The following SCN8A variants were observed in gnomAD, a reference collection of about 807,000 sequenced individuals.
The protein encoded by SCN8A is sodium channel protein type 8 subunit alpha.
A neutral mutation model predicts 184.1 loss-of-function variants in SCN8A; 30 were observed. The ratio of observed to expected loss-of-function variants is 0.16; its 90% CI spans 0.12 to 0.22. SCN8A has a LOEUF of 0.22. SCN8A is among the 10% of genes least tolerant of loss of function. SCN8A has a pLI of 1.00. For synonymous variants in SCN8A, 852 were observed against 907.0 expected, an observed-to-expected ratio of 0.94 and a Z score of 1.09; for missense variants, 1,057 against 2,498.9, an observed-to-expected ratio of 0.42 and a Z score of 12.30.
At chr12:51,780,407 G>GT in intron 20 of SCN8A, 2 of 388,418 alleles carry the variant, frequency 5.1e-6, no homozygotes, top group Middle Eastern at 7.9e-4. Context: ...CTTCCCTGTT[G>GT]TTTTTTCTTC....
intron 6 of SCN8A, among the ~76,000 whole-genome samples, chr12:51,692,768 C>T (rs1177956053): frequency 3.9e-5 from 6 of 152,204 alleles, no homozygotes; most frequent in African/African-American, 1.2e-4. Context: ...GATCATGTGC[C>T]ACAGGGCTGA....
At chr12:51,760,978 C>T (rs546949391) in intron 14 of SCN8A, among the ~76,000 whole-genome samples, 1 of 152,238 alleles carries the variant, frequency 6.6e-6, no homozygotes, top group African/African-American at 2.4e-5. Context: ...ATTTTGTTCT[C>T]AGACTATATC....
At chr12:51,609,573 G>A (rs977548177) in intron 1 of SCN8A, among the ~76,000 whole-genome samples, 1 of 152,112 alleles carries the variant, frequency 6.6e-6, no homozygotes, top group Non-Finnish European at 1.5e-5. Flanking sequence ...TTGCTTTAAA[G>A]TTTGTTTTGT....
chr12:51,734,274 A>G (rs1942288570), intron 12 of SCN8A, among the ~76,000 whole-genome samples: 1 of 152,214 alleles, frequency 6.6e-6, no homozygotes, highest in Admixed American at 6.5e-5. Context: ...ACAGAAATAT[A>G]GAGGTGTGAA....
intron 1 of SCN8A, among the ~76,000 whole-genome samples, chr12:51,625,943 C>T (rs958124621): frequency 1.3e-5 from 2 of 152,078 alleles, no homozygotes; most frequent in Non-Finnish European, 2.9e-5. Context: ...AAAGGTGACT[C>T]AGTGACTACA....
chr12:51,674,964 C>T (rs908288090), intron 2 of SCN8A, among the ~76,000 whole-genome samples: 8 of 152,154 alleles, frequency 5.3e-5, no homozygotes, highest in African/African-American at 1.2e-4. Context: ...AGCCTGTAAA[C>T]CACTCTGCTT....
At chr12:51,805,273 G>C (rs1434701803) in intron 26 of SCN8A, among the ~76,000 whole-genome samples, 1 of 152,078 alleles carries the variant, frequency 6.6e-6, no homozygotes, top group East Asian at 1.9e-4. Flanking sequence ...GACCTAAATA[G>C]ATGGACCTCA....
At chr12:51,631,288 A>G (rs149486442) in intron 1 of SCN8A, among the ~76,000 whole-genome samples, 2 of 152,296 alleles carry the variant, frequency 1.3e-5, no homozygotes, top group African/African-American at 4.8e-5. Flanking sequence ...ACCAATGGCT[A>G]TTGACAGGGT....
At chr12:51,597,226 C>A (rs993609428) in intron 1 of SCN8A, among the ~76,000 whole-genome samples, 1 of 152,056 alleles carries the variant, frequency 6.6e-6, no homozygotes, top group African/African-American at 2.4e-5. Context: ...CTAAAATAGG[C>A]GATGGAGAGA....
intron 11 of SCN8A, among the ~76,000 whole-genome samples, chr12:51,714,157 T>A (rs937172123): frequency 1.3e-5 from 2 of 152,196 alleles, no homozygotes; most frequent in Non-Finnish European, 2.9e-5. Flanking sequence ...GAGGAATATT[T>A]TAATAACCTT....
chr12:51,721,851 C>T lies in SCN8A; in HGVS notation c.1941C>T (p.Gly647=). The change falls in exon 12 of 27, where the codon GGC becomes GGT. Residue 647 remains glycine (G), a synonymous_variant. Coordinates refer to ENST00000627620, the MANE Select transcript of SCN8A (RefSeq NM_001330260.2). ...VKRNSTVDCN[G]VVSLIGGPGS... ...GCAACAGCACGGTGGACTGCAACGG[C>T]GTGGTGTCCCTCATCGGCGGCCCCG... 2 of 1,603,900 alleles carry T rather than the reference C, an allele frequency of 1.2e-6. No homozygotes were observed. Among genetic ancestry groups the T allele is most frequent in the Non-Finnish European group, 1.7e-6 (2 of 1,179,796 alleles).
intron 6 of SCN8A, chr12:51,689,446 A>C (rs568374797): frequency 4.7e-6 from 1 of 213,524 alleles, no homozygotes; most frequent in Non-Finnish European, 9.3e-6. Context: ...GACATTTGCC[A>C]TCATTTCATT....
chr12:51,697,973 C>T (rs1941623388), intron 6 of SCN8A, among the ~76,000 whole-genome samples: 1 of 152,216 alleles, frequency 6.6e-6, no homozygotes, highest in African/African-American at 2.4e-5. Context: ...CCACCTTAGC[C>T]TCCCACAGTA....
At chr12:51,778,701 C>A (rs978467638) in intron 20 of SCN8A, among the ~76,000 whole-genome samples, 15 of 152,234 alleles carry the variant, frequency 9.9e-5, no homozygotes, top group African/African-American at 3.6e-4. Context: ...GTGCAATTCA[C>A]AGACACAGGA....
chr12:51,667,634 T>C (rs1941057615), intron 2 of SCN8A, among the ~76,000 whole-genome samples: 1 of 152,254 alleles, frequency 6.6e-6, no homozygotes, highest in Non-Finnish European at 1.5e-5. Flanking sequence ...CAATGCTTAA[T>C]AATTTGTTGA....
At chr12:51,721,121 G>A (rs1176178671) in intron 11 of SCN8A, among the ~76,000 whole-genome samples, 38 of 102,476 alleles carry the variant, frequency 3.7e-4, no homozygotes, top group South Asian at 8.2e-4. Flanking sequence ...TTTATTTATT[G>A]TTATATATAT....
chr12:51,609,547 T>C (rs1280410136), intron 1 of SCN8A, among the ~76,000 whole-genome samples: 1 of 152,206 alleles, frequency 6.6e-6, no homozygotes, highest in African/African-American at 2.4e-5. Flanking sequence ...TCCCTCTTTG[T>C]CTCTTTTAAC....
At chr12:51,777,435 A>T (rs888538097) in intron 20 of SCN8A, among the ~76,000 whole-genome samples, 1 of 151,982 alleles carries the variant, frequency 6.6e-6, no homozygotes, top group African/African-American at 2.4e-5. Context: ...TGATGCCCTG[A>T]ATTTGATGTC....
chr12:51,631,294 A>G (rs754685170), intron 1 of SCN8A, among the ~76,000 whole-genome samples: 1 of 152,324 alleles, frequency 6.6e-6, no homozygotes, highest in Middle Eastern at 3.4e-3. Flanking sequence ...GGCTATTGAC[A>G]GGGTCAGGTT....
Sources: allele counts gnomAD v4.1 joint callset (sites outside exome capture counted in the v4.1 genomes callset), GRCh38; gene constraint gnomAD v4.1.1; transcripts MANE v1.5; gene names NCBI Gene and HGNC (gene_info 2026-07-23, HGNC 2026-07-21).